Variants in KIAA1328 observed in about 807,000 individuals in gnomAD.
KIAA1328 encodes the protein KIAA1328.
Under a neutral mutation model 68.1 loss-of-function variants are expected in KIAA1328, and 52 were observed. The observed-to-expected ratio is 0.76, with a 90% CI of 0.61 to 0.96. KIAA1328 has a LOEUF of 0.96. Among genes scored for constraint, KIAA1328 ranks in the 40% least tolerant of loss-of-function variants. The pLI is 0.00. For missense variants in KIAA1328, 641 were observed against 677.6 expected, an observed-to-expected ratio of 0.95 and a Z score of 0.60; for synonymous variants, 232 against 239.4, an observed-to-expected ratio of 0.97 and a Z score of 0.28.
chr18:37,138,262 G>A (rs1170492061), intron 7 of KIAA1328, among the ~76,000 whole-genome samples: 1 of 152,090 alleles, frequency 6.6e-6, no homozygotes, highest in Non-Finnish European at 1.5e-5. Flanking sequence ...AGGAAATGAG[G>A]CCCAGAGAGG....
intron 7 of KIAA1328, among the ~76,000 whole-genome samples, chr18:37,140,585 A>C (rs1390630373): frequency 6.6e-6 from 1 of 152,072 alleles, no homozygotes; most frequent in Non-Finnish European, 1.5e-5. Context: ...CTACTCAAAA[A>C]TTTTCATTTA....
At chr18:37,078,430 A>T (rs1363380470) in intron 7 of KIAA1328, among the ~76,000 whole-genome samples, 1 of 151,998 alleles carries the variant, frequency 6.6e-6, no homozygotes, top group African/African-American at 2.4e-5. Flanking sequence ...CAAGGACTTC[A>T]TGTCGAAAAC....
chr18:37,128,414 A>G (rs1256109869), intron 7 of KIAA1328, among the ~76,000 whole-genome samples: 1 of 152,188 alleles, frequency 6.6e-6, no homozygotes, highest in African/African-American at 2.4e-5. Flanking sequence ...CGTAGGTTGC[A>G]ATGAGCCGAG....
At chr18:37,062,232 G>A (rs529627694) in intron 6 of KIAA1328, among the ~76,000 whole-genome samples, 1 of 152,178 alleles carries the variant, frequency 6.6e-6, no homozygotes, top group East Asian at 1.9e-4. Flanking sequence ...TTTAGAAGAA[G>A]TTTAGATATA....
chr18:37,026,886 GAGAA>G (rs1258432714), intron 6 of KIAA1328, among the ~76,000 whole-genome samples: 1 of 152,136 alleles, frequency 6.6e-6, no homozygotes, highest in Non-Finnish European at 1.5e-5. Context: ...CAATCAGGTA[GAGAA>G]AGAAATAAAG....
In KIAA1328 at chr18:37,092,713, C is replaced by G. The variant is rs533461876; in HGVS notation, c.1232+25168C>G. ...ATATCCCAGAATCCCAAGGACTGGC[C>G]TGCTCAGCCCATCACTGACACCAGT... On this transcript the variant is annotated intron_variant, in intron 7 of 9. Coordinates refer to ENST00000280020, the MANE Select transcript of KIAA1328 (RefSeq NM_020776.3). Among the ~76,000 whole-genome samples, 6 of 152,288 alleles carry G rather than the reference C, an allele frequency of 3.9e-5. No homozygotes were observed. In the East Asian group the frequency reaches 5.8e-4, roughly 15 times the overall value.
intron 6 of KIAA1328, among the ~76,000 whole-genome samples, chr18:36,990,857 AG>A (rs1361385137): frequency 6.6e-6 from 1 of 152,158 alleles, no homozygotes; most frequent in Non-Finnish European, 1.5e-5. Flanking sequence ...TTTGAATTAT[AG>A]GTGCTACGTT....
rs796717497 is a variant in KIAA1328, at chr18:36,969,572, C to T, written c.576+10137C>T. ...ATAAATTTCTGGGTACATACACTCT[C>T]CCAAGGCTGAACCAGGAAGAAATTG... On this transcript the variant is annotated intron_variant, in intron 6 of 9. Coordinates refer to ENST00000280020, the MANE Select transcript of KIAA1328 (RefSeq NM_020776.3). Among the ~76,000 whole-genome samples the T allele has an allele frequency of 1.6e-4, 25 of 152,194 alleles. No homozygotes were observed. The South Asian group carries it at 5.0e-3, about 30-fold the overall frequency.
intron 6 of KIAA1328, among the ~76,000 whole-genome samples, chr18:37,018,863 C>G (rs988360214): frequency 6.6e-6 from 1 of 151,750 alleles, no homozygotes; most frequent in Non-Finnish European, 1.5e-5. Flanking sequence ...TCATTTTTAA[C>G]CTTGTCTTGA....
intron 3 of KIAA1328, among the ~76,000 whole-genome samples, chr18:36,840,522 T>G (rs1381759205): frequency 1.3e-5 from 2 of 151,512 alleles, no homozygotes; most frequent in Admixed American, 1.3e-4. Flanking sequence ...TGGTCTCGGC[T>G]CACTGCAACC....
downstream of KIAA1328, among the ~76,000 whole-genome samples, chr18:37,228,752 G>A (rs1295531179): frequency 3.3e-5 from 5 of 151,948 alleles, no homozygotes; most frequent in African/African-American, 4.8e-5. Flanking sequence ...CCTGGGAGGC[G>A]GAGGTGGCAG....
intron 6 of KIAA1328, among the ~76,000 whole-genome samples, chr18:37,062,770 T>A (rs1465942359): frequency 1.3e-5 from 2 of 152,214 alleles, no homozygotes; most frequent in African/African-American, 4.8e-5. Context: ...ATGCATTTTT[T>A]AATCCCTGTT....
chr18:37,022,323 CATATA>C (rs544860209), intron 6 of KIAA1328, among the ~76,000 whole-genome samples: 1 of 152,046 alleles, frequency 6.6e-6, no homozygotes, highest in Non-Finnish European at 1.5e-5. Flanking sequence ...TTTTAAAACT[CATATA>C]ATAAGAAAAC....
Position 37,066,977 on chromosome 18 carries a change from C to G in KIAA1328, c.664C>G (p.Gln222Glu). The G allele has an allele frequency of 1.9e-6, 3 of 1,613,458 alleles. No homozygotes were observed. Among genetic ancestry groups the G allele is most frequent in the Non-Finnish European group, 2.5e-6 (3 of 1,179,618 alleles). Reference sequence around the variant, plus strand: ...CATAGCCAGACCACAGACCTACTATCAAACCAAGCAAAGACCTAAGTCTGC... The same window carrying G: ...CATAGCCAGACCACAGACCTACTATGAAACCAAGCAAAGACCTAAGTCTGC... ...LSIARPQTYY[Q>E]TKQRPKSAVQ... Residue 222 changes from glutamine (Q) to glutamate (E), a missense_variant, in exon 7 of 10, where the codon CAA becomes GAA. Coordinates refer to ENST00000280020, the MANE Select transcript of KIAA1328 (RefSeq NM_020776.3).
At chr18:36,932,599 A>G (rs1048336447) in intron 5 of KIAA1328, among the ~76,000 whole-genome samples, 1 of 152,228 alleles carries the variant, frequency 6.6e-6, no homozygotes, top group African/African-American at 2.4e-5. Flanking sequence ...TGAACAGTAA[A>G]TGTGGGAAGG....
At chr18:37,124,902 T>C (rs1438005653) in intron 7 of KIAA1328, among the ~76,000 whole-genome samples, 1 of 152,214 alleles carries the variant, frequency 6.6e-6, no homozygotes, top group Non-Finnish European at 1.5e-5. Context: ...TCATTCTTCA[T>C]ATTGACAAAA....
At chr18:36,860,497 G>A (rs181947440) in intron 4 of KIAA1328, among the ~76,000 whole-genome samples, 14 of 152,152 alleles carry the variant, frequency 9.2e-5, no homozygotes, top group Admixed American at 7.9e-4. Flanking sequence ...TTACCCTGGA[G>A]AATTGTAGTA....
downstream of KIAA1328, chr18:37,232,155 A>AT (rs1330359537): frequency 6.6e-6 from 1 of 152,134 alleles, no homozygotes; most frequent in Non-Finnish European, 1.5e-5. Context: ...ATTGTAATAA[A>AT]TTTTTTCTAA....
At chr18:37,130,758 C>G (rs1009223192) in intron 7 of KIAA1328, among the ~76,000 whole-genome samples, 4 of 152,078 alleles carry the variant, frequency 2.6e-5, no homozygotes, top group African/African-American at 4.8e-5. Flanking sequence ...TAAAATGCCC[C>G]ATGGATAAGA....
Sources: gnomAD v4.1 joint callset for allele counts (sites outside exome capture counted in the v4.1 genomes callset) on GRCh38, gnomAD v4.1.1 for gene constraint, MANE v1.5 for transcripts, NCBI Gene and HGNC (gene_info 2026-07-23, HGNC 2026-07-21) for gene names.